The following ILRUN variants were observed in gnomAD, a reference collection of about 807,000 sequenced individuals.
The protein encoded by ILRUN is inflammation and lipid regulator with UBA-like and NBR1-like domains, also known as protein ILRUN.
ILRUN carries 3 observed loss-of-function variants against 33.8 expected under a neutral mutation model. The ratio of observed to expected loss-of-function variants is 0.09; its 90% confidence interval spans 0.04 to 0.23. The LOEUF is 0.23. Among genes scored for constraint, ILRUN ranks in the 10% least tolerant of loss-of-function variants. The pLI is 1.00. For synonymous variants in ILRUN, 124 were observed against 138.9 expected (o/e 0.89, Z 0.75); for missense variants, 210 against 375.1 (o/e 0.56, Z 3.64).
At chr6:34,640,481 G>A (rs574112861) in intron 3 of ILRUN, among the ~76,000 whole-genome samples, 1 of 152,250 alleles carries the variant, frequency 6.6e-6, no homozygotes, top group South Asian at 2.1e-4. Flanking sequence ...GGGAGGCTGA[G>A]GTGGGCGGAT....
intron 2 of ILRUN, among the ~76,000 whole-genome samples, chr6:34,649,006 TAGTC>T (rs935306504): frequency 6.6e-6 from 1 of 152,208 alleles, no homozygotes; most frequent in African/African-American, 2.4e-5. Context: ...GAAACTGAGT[TAGTC>T]AGTAAAACAT....
At chr6:34,605,812 C>T (rs1761618428) in intron 4 of ILRUN, among the ~76,000 whole-genome samples, 1 of 152,122 alleles carries the variant, frequency 6.6e-6, no homozygotes, top group African/African-American at 2.4e-5. Flanking sequence ...GGATGCTAGG[C>T]TTAATATGCA....
chr6:34,662,731 T>C (rs936692585), intron 1 of ILRUN, among the ~76,000 whole-genome samples: 3 of 152,196 alleles, frequency 2.0e-5, no homozygotes, highest in Admixed American at 2.0e-4. Flanking sequence ...TGGAGATTGT[T>C]TGCAAAATGA....
At chr6:34,641,498 C>A (rs1337638742) in intron 3 of ILRUN, among the ~76,000 whole-genome samples, 1 of 152,164 alleles carries the variant, frequency 6.6e-6, no homozygotes, top group Non-Finnish European at 1.5e-5. Flanking sequence ...AGAGCTCCAG[C>A]GGTCATCCCA....
chr6:34,688,591 T>C (rs1763578906), intron 1 of ILRUN, among the ~76,000 whole-genome samples: 1 of 152,058 alleles, frequency 6.6e-6, no homozygotes, highest in Non-Finnish European at 1.5e-5. Context: ...GGTAGATGGA[T>C]CACTTGAGGT....
At chr6:34,619,680 T>C (rs1675286565) in intron 3 of ILRUN, among the ~76,000 whole-genome samples, 1 of 152,010 alleles carries the variant, frequency 6.6e-6, no homozygotes, top group Non-Finnish European at 1.5e-5. Context: ...GAGTGCTCTC[T>C]AGGATATACA....
At chr6:34,620,880 C>A (rs1761998966) in intron 3 of ILRUN, among the ~76,000 whole-genome samples, 1 of 152,166 alleles carries the variant, frequency 6.6e-6, no homozygotes, top group Non-Finnish European at 1.5e-5. Context: ...ATAACATCTG[C>A]CTTTGATAAG....
At chr6:34,688,727 C>A (rs1327935801) in intron 1 of ILRUN, among the ~76,000 whole-genome samples, 1 of 152,010 alleles carries the variant, frequency 6.6e-6, no homozygotes, top group African/African-American at 2.4e-5. Context: ...GTAGGAGAAT[C>A]GCTTGAATCC....
intron 1 of ILRUN, among the ~76,000 whole-genome samples, chr6:34,679,181 T>C (rs894212759): frequency 6.7e-6 from 1 of 148,542 alleles, no homozygotes; most frequent in Non-Finnish European, 1.5e-5. Context: ...AAAATACAAA[T>C]TAAAACAGGA....
At chr6:34,668,560 A>G (rs1763049577) in intron 1 of ILRUN, among the ~76,000 whole-genome samples, 1 of 152,190 alleles carries the variant, frequency 6.6e-6, no homozygotes, top group Admixed American at 6.5e-5. Flanking sequence ...AAACTGATAA[A>G]AAGTAAAAAG....
At chr6:34,691,735 G>A (rs1054762908) in intron 1 of ILRUN, among the ~76,000 whole-genome samples, 2 of 152,078 alleles carry the variant, frequency 1.3e-5, no homozygotes, top group East Asian at 1.9e-4. Context: ...GGCAGAGGTT[G>A]CAGTGAGCCA....
At chr6:34,633,830 G>A (rs2127350386) in intron 3 of ILRUN, among the ~76,000 whole-genome samples, 1 of 140,020 alleles carries the variant, frequency 7.1e-6, no homozygotes, top group East Asian at 2.3e-4. Context: ...AAAGAGAATA[G>A]GAAGAGAGGG....
intron 3 of ILRUN, among the ~76,000 whole-genome samples, chr6:34,630,357 G>T (rs1455630847): frequency 6.6e-6 from 1 of 152,114 alleles, no homozygotes; most frequent in African/African-American, 2.4e-5. Flanking sequence ...ACCAGATAGG[G>T]TGATGGGGAG....
At chr6:34,597,584 T>C (rs548253182) in intron 4 of ILRUN, among the ~76,000 whole-genome samples, 8 of 152,336 alleles carry the variant, frequency 5.3e-5, no homozygotes, top group Admixed American at 3.9e-4. Flanking sequence ...TTACAATTAA[T>C]TGACAGGCAT....
chr6:34,666,991 T>C (rs1207494237), intron 1 of ILRUN, among the ~76,000 whole-genome samples: 1 of 152,096 alleles, frequency 6.6e-6, no homozygotes, highest in Non-Finnish European at 1.5e-5. Flanking sequence ...ACCAGTAAAA[T>C]TAGTGGCCCT....
intron 1 of ILRUN, among the ~76,000 whole-genome samples, chr6:34,671,193 G>A (rs1763110842): frequency 6.6e-6 from 1 of 152,064 alleles, no homozygotes; most frequent in Admixed American, 6.5e-5. Flanking sequence ...GATCACTTAA[G>A]CCCAGGAGTT....
At chr6:34,637,882 T>TTGC (rs957281586) in intron 3 of ILRUN, among the ~76,000 whole-genome samples, 2 of 151,638 alleles carry the variant, frequency 1.3e-5, no homozygotes, top group East Asian at 3.9e-4. Context: ...GTTGTTGTTG[T>TTGC]TGTTGTTGTT....
At chr6:34,654,580 G>C (rs754184447) in intron 2 of ILRUN, 45 bp downstream of exon 2, 9 of 1,552,474 alleles carry the variant, frequency 5.8e-6, no homozygotes, top group Non-Finnish European at 6.9e-6. Flanking sequence ...TAACTATTAA[G>C]AAAATGAAAA....
At chr6:34,692,743 C>T (rs541317933) in intron 1 of ILRUN, among the ~76,000 whole-genome samples, 11 of 152,234 alleles carry the variant, frequency 7.2e-5, no homozygotes, top group African/African-American at 2.6e-4. Context: ...GGTCTGGCAA[C>T]ATAGTGCGAC....
Sources: allele counts gnomAD v4.1 joint callset (sites outside exome capture counted in the v4.1 genomes callset), GRCh38; gene constraint gnomAD v4.1.1; transcripts MANE v1.5; gene names NCBI Gene and HGNC (gene_info 2026-07-23, HGNC 2026-07-21).